Variants in SKIC2 observed in about 807,000 individuals in gnomAD.
The protein encoded by SKIC2 is SKI2 subunit of superkiller complex.
At chr6:31,964,235 C>T in the SKIC2 span, 34 of 1,612,896 alleles carry the variant, frequency 2.1e-5, no homozygotes, top group Admixed American at 5.5e-4. This position sits in a 1 kb window ranked among gnomAD's most constrained non-coding sequence, Gnocchi z 5.0. Context: ...ACCAAAGGTC[C>T]TGCACATGTC....
chr6:31,963,218 C>T, the SKIC2 span: 2 of 807,112 alleles, frequency 2.5e-6, no homozygotes, highest in African/African-American at 3.4e-5. This position sits in a 1 kb window ranked among gnomAD's most constrained non-coding sequence, Gnocchi z 5.3. Context: ...GGAACATGTC[C>T]CACCTGGTGG....
the SKIC2 span, chr6:31,962,971 C>G: frequency 1.3e-6 from 2 of 1,596,906 alleles, no homozygotes; most frequent in East Asian, 2.2e-5. The surrounding 1 kb of genome is among the most constrained non-coding windows in gnomAD (Gnocchi z 5.0). Flanking sequence ...CCTCCCTTCC[C>G]TCTCTGTGCC....
the SKIC2 span, chr6:31,959,385 A>T: frequency 6.2e-7 from 1 of 1,612,838 alleles, no homozygotes; most frequent in Non-Finnish European, 8.5e-7. Flanking sequence ...ACTTGCCTGG[A>T]GCTCCAGAGA....
chr6:31,966,902 G>A, the SKIC2 span: 1 of 1,613,530 alleles, frequency 6.2e-7, no homozygotes, highest in Non-Finnish European at 8.5e-7. This position sits in a 1 kb window ranked among gnomAD's most constrained non-coding sequence, Gnocchi z 5.9. Flanking sequence ...AAGACAGGCT[G>A]GGAATAGGTA....
At chr6:31,961,773 C>A in the SKIC2 span, 1 of 1,549,790 alleles carries the variant, frequency 6.5e-7, no homozygotes, top group Non-Finnish European at 8.8e-7. Context: ...TCAGATCCAT[C>A]CCAGGCCAGT....
chr6:31,961,649 C>T, the SKIC2 span: 22 of 1,612,790 alleles, frequency 1.4e-5, no homozygotes, highest in African/African-American at 1.1e-4. Context: ...TGATTTCTAT[C>T]GCCTCATTCC....
the SKIC2 span, among the ~76,000 whole-genome samples, chr6:31,964,866 T>C: frequency 1.8e-3 from 268 of 152,304 alleles, 1 homozygote; most frequent in African/African-American, 4.7e-3. This position sits in a 1 kb window ranked among gnomAD's most constrained non-coding sequence, Gnocchi z 5.0. Context: ...ACACCTGTAA[T>C]CCCAGCACTT....
the SKIC2 span, chr6:31,964,111 C>A: frequency 6.2e-7 from 1 of 1,612,560 alleles, no homozygotes; most frequent in Non-Finnish European, 8.5e-7. The surrounding 1 kb of genome is among the most constrained non-coding windows in gnomAD (Gnocchi z 5.0). Flanking sequence ...TGGCTCTGAC[C>A]GCCAGCTGCC....
At chr6:31,967,592 C>G in the SKIC2 span, 3 of 1,138,398 alleles carry the variant, frequency 2.6e-6, no homozygotes, top group Non-Finnish European at 3.8e-6. This position sits in a 1 kb window ranked among gnomAD's most constrained non-coding sequence, Gnocchi z 4.9. Context: ...CTTGGTTGCC[C>G]CTCTCTACTG....
the SKIC2 span, chr6:31,963,115 C>T: frequency 6.5e-7 from 1 of 1,531,466 alleles, no homozygotes; most frequent in South Asian, 1.1e-5. This position sits in a 1 kb window ranked among gnomAD's most constrained non-coding sequence, Gnocchi z 5.3. Context: ...CCCGGGTTGC[C>T]TGGGTGAAGG....
At chr6:31,967,616 G>A in the SKIC2 span, 959 of 1,375,950 alleles carry the variant, frequency 7.0e-4, no homozygotes, top group Non-Finnish European at 9.1e-4. This position sits in a 1 kb window ranked among gnomAD's most constrained non-coding sequence, Gnocchi z 4.9. Context: ...AGCTCTGCAT[G>A]GTTGCTTCCT....
chr6:31,967,101 G>T, the SKIC2 span: 1 of 1,612,682 alleles, frequency 6.2e-7, no homozygotes, highest in Non-Finnish European at 8.5e-7. This position sits in a 1 kb window ranked among gnomAD's most constrained non-coding sequence, Gnocchi z 4.9. Flanking sequence ...GAATATTACA[G>T]CTGGGGGGAG....
chr6:31,961,522 T>C, the SKIC2 span: 7 of 1,572,286 alleles, frequency 4.5e-6, no homozygotes, highest in Non-Finnish European at 6.0e-6. Flanking sequence ...TGTATCTTTA[T>C]CACTGCTACC....
the SKIC2 span, chr6:31,961,647 A>T: frequency 6.2e-7 from 1 of 1,612,836 alleles, no homozygotes; most frequent in Non-Finnish European, 8.5e-7. Flanking sequence ...GGTGATTTCT[A>T]TCGCCTCATT....
chr6:31,963,694 TG>T, the SKIC2 span: 1 of 1,555,446 alleles, frequency 6.4e-7, no homozygotes. This position sits in a 1 kb window ranked among gnomAD's most constrained non-coding sequence, Gnocchi z 5.3. Flanking sequence ...CCCAGACCTT[TG>T]GGGCCAAGCA....
At chr6:31,962,385 A>G in the SKIC2 span, 2 of 1,594,788 alleles carry the variant, frequency 1.3e-6, no homozygotes, top group Non-Finnish European at 1.7e-6. The surrounding 1 kb of genome is among the most constrained non-coding windows in gnomAD (Gnocchi z 5.0). Context: ...TGGGAGAGGA[A>G]GTGCGGGCCA....
chr6:31,963,780 C>T, the SKIC2 span: 4 of 1,521,220 alleles, frequency 2.6e-6, no homozygotes, highest in Non-Finnish European at 3.6e-6. The surrounding 1 kb of genome is among the most constrained non-coding windows in gnomAD (Gnocchi z 5.3). Flanking sequence ...GTTTTTCCTC[C>T]TATCTTTTTT....
chr6:31,962,751 C>A, the SKIC2 span: 1 of 1,612,842 alleles, frequency 6.2e-7, no homozygotes, highest in Non-Finnish European at 8.5e-7. The surrounding 1 kb of genome is among the most constrained non-coding windows in gnomAD (Gnocchi z 5.0). Flanking sequence ...TATTCGGGAC[C>A]TGGAGTGGGT....
At chr6:31,963,677 A>G in the SKIC2 span, 1 of 1,556,448 alleles carries the variant, frequency 6.4e-7, no homozygotes. This position sits in a 1 kb window ranked among gnomAD's most constrained non-coding sequence, Gnocchi z 5.3. Context: ...GAGAATGAGC[A>G]AACACGCCCA....
Sources: allele counts gnomAD v4.1 joint callset (sites outside exome capture counted in the v4.1 genomes callset), GRCh38; gene constraint gnomAD v4.1.1; non-coding constraint Gnocchi (gnomAD v3.1); transcripts MANE v1.5; gene names NCBI Gene and HGNC (gene_info 2026-07-23, HGNC 2026-07-21).